Variants in NIPBL observed in about 807,000 individuals in gnomAD.
NIPBL encodes NIPBL cohesin loading factor.
In NIPBL, 19 loss-of-function variants were observed where a neutral mutation model predicts 321.8. That is an observed-to-expected ratio of 0.06 (90% CI 0.04 to 0.09). The LOEUF is 0.09. NIPBL is among the 10% of genes least tolerant of loss of function. The probability of loss-of-function intolerance (pLI) is 1.00; values close to 1 mark genes in which losing one functional copy is unlikely to be tolerated. For missense variants in NIPBL, 2,210 were observed against 3,327.0 expected (o/e 0.66, Z 8.26); for synonymous variants, 1,106 against 1,114.1 (o/e 0.99, Z 0.14).
At chr5:37,013,608 T>C (rs1325245115) in intron 21 of NIPBL, among the ~76,000 whole-genome samples, 3 of 143,058 alleles carry the variant, frequency 2.1e-5, no homozygotes, top group Non-Finnish European at 3.0e-5. Flanking sequence ...TCTCAGACGA[T>C]GGGTGGCCGG....
At chr5:36,883,833 T>G (rs1042506956) in intron 1 of NIPBL, among the ~76,000 whole-genome samples, 1 of 151,646 alleles carries the variant, frequency 6.6e-6, no homozygotes, top group Non-Finnish European at 1.5e-5. Flanking sequence ...TTTTTTTTGG[T>G]AATGACCAAG....
chr5:37,002,513 A>AGGGTTTACTTGAG, intron 14 of NIPBL, 149 bp from the exon 15 acceptor site: 2 of 639,738 alleles, frequency 3.1e-6, no homozygotes, highest in East Asian at 5.6e-5. Context: ...TTTTTCATTC[A>AGGGTTTACTTGAG]GGGTTTACTT....
intron 5 of NIPBL, 93 bp from the exon 6 acceptor site, chr5:36,962,030 A>T: frequency 4.4e-6 from 6 of 1,370,282 alleles, no homozygotes; most frequent in Non-Finnish European, 5.2e-6. Flanking sequence ...TATATAAACT[A>T]AGAGATCAGA....
intron 24 of NIPBL, among the ~76,000 whole-genome samples, chr5:37,017,929 G>C (rs1167030193): frequency 1.3e-5 from 2 of 152,036 alleles, no homozygotes; most frequent in African/African-American, 4.8e-5. Context: ...AGATGTATGT[G>C]TGTCTGTATA....
At chr5:36,999,902 A>C (rs1746590792) in intron 11 of NIPBL, among the ~76,000 whole-genome samples, 1 of 152,196 alleles carries the variant, frequency 6.6e-6, no homozygotes, top group South Asian at 2.1e-4. Context: ...GATGATGTAC[A>C]TGGTTACCCA....
In NIPBL at chr5:36,884,861, T is replaced by C. The variant is rs748124136; in HGVS notation, c.-80+7683T>C. On this transcript the variant is annotated intron_variant, in intron 1 of 46. Coordinates refer to ENST00000282516, the MANE Select transcript of NIPBL (RefSeq NM_133433.4). ...GGGGTAGGAATATTTTATTTACATA[T>C]ATCCCTAACAATACATACATAACTT... Among the ~76,000 whole-genome samples the C allele has an allele frequency of 1.5e-3, 224 of 152,312 alleles. 1 individual carries two copies. Among genetic ancestry groups the C allele is most frequent in the Non-Finnish European group, 1.8e-3 (121 of 68,020 alleles).
intron 10 of NIPBL, among the ~76,000 whole-genome samples, chr5:36,989,519 C>T (rs1745229494): frequency 6.6e-6 from 1 of 151,966 alleles, no homozygotes; most frequent in South Asian, 2.1e-4. Context: ...AGACTATTAC[C>T]CTAATGTATA....
At chr5:37,061,384 A>T (rs1034418552) in intron 45 of NIPBL, among the ~76,000 whole-genome samples, 1 of 152,188 alleles carries the variant, frequency 6.6e-6, no homozygotes, top group Admixed American at 6.5e-5. Flanking sequence ...CTGATAAAAA[A>T]ATGGCGTAGT....
chr5:36,953,489 G>A (rs1204273712), intron 1 of NIPBL, 129 bp from the exon 2 acceptor site: 6 of 596,860 alleles, frequency 1.0e-5, no homozygotes, highest in Non-Finnish European at 1.8e-5. Flanking sequence ...TAAGTGGTAT[G>A]TGAAAATGAT....
At chr5:36,885,069 ATT>A (rs58959442) in intron 1 of NIPBL, 3 of 216,240 alleles carry the variant, frequency 1.4e-5, no homozygotes, top group Admixed American at 5.5e-5. Flanking sequence ...TGCAGTTTTA[ATT>A]TTTTTTTTGC....
At chr5:36,949,482 T>G (rs543566454) in intron 1 of NIPBL, among the ~76,000 whole-genome samples, 6 of 151,860 alleles carry the variant, frequency 4.0e-5, no homozygotes, top group Non-Finnish European at 8.8e-5. Flanking sequence ...TATTAGCACC[T>G]CAGGTTCATA....
At chr5:37,047,649 A>G (rs914517406) in intron 38 of NIPBL, among the ~76,000 whole-genome samples, 2 of 152,248 alleles carry the variant, frequency 1.3e-5, no homozygotes, top group Non-Finnish European at 2.9e-5. Flanking sequence ...TTTTAACTTA[A>G]GCAGCGCTAT....
At chr5:36,946,237 AGCAT>A (rs1739657047) in intron 1 of NIPBL, among the ~76,000 whole-genome samples, 1 of 151,876 alleles carries the variant, frequency 6.6e-6, no homozygotes, top group Admixed American at 6.6e-5. Flanking sequence ...CTTAGTTCTT[AGCAT>A]AGTATGTTAA....
intron 3 of NIPBL, among the ~76,000 whole-genome samples, chr5:36,957,593 T>C (rs1741108371): frequency 6.6e-6 from 1 of 152,172 alleles, no homozygotes; most frequent in Non-Finnish European, 1.5e-5. Flanking sequence ...CTCTTGACTG[T>C]GTAAAGTAAA....
At chr5:36,989,133 T>C (rs1745176258) in intron 10 of NIPBL, among the ~76,000 whole-genome samples, 1 of 152,204 alleles carries the variant, frequency 6.6e-6, no homozygotes, top group Admixed American at 6.5e-5. Context: ...TTCCCATCAA[T>C]ACACCCTAGC....
Position 37,036,361 on chromosome 5 carries a change from ATATATATG to A in NIPBL, c.5863-10_5863-3del. 1 of 547,720 alleles carries A rather than the reference ATATATATG, an allele frequency of 1.8e-6. No homozygotes were observed. The highest frequency in any genetic ancestry group is 2.7e-6 in the Non-Finnish European group (1 of 368,378). The allele number at this position is 547,720 out of a possible 1,614,324, so 33.9% of individuals were successfully genotyped here. A position where few individuals can be genotyped will look rare whatever the true frequency, so the allele number is the denominator to read the frequency against. On this transcript the variant is annotated splice_polypyrimidine_tract_variant and intron_variant, in intron 32 of 46. Transcript: ENST00000282516. Reference sequence around the variant, plus strand: ...TATATATATATGTATATATATATATATATATATGTATATATAGTTGTTGAAGTCCGAAG... The same window carrying A: ...TATATATATATGTATATATATATATATATATATAGTTGTTGAAGTCCGAAG...
intron 4 of NIPBL, 30 bp from the exon 5 acceptor site, chr5:36,961,454 T>C (rs1249231216): frequency 1.6e-6 from 2 of 1,260,716 alleles, no homozygotes; most frequent in Non-Finnish European, 2.3e-6. Flanking sequence ...TAGAAGAAAA[T>C]AACGTTCTGT....
chr5:37,000,982 CTT>C lies in NIPBL; in HGVS notation c.3575-6_3575-5del. ...GAGAATAATGAATATATTTTTCTCT[CTT>C]GCAGAAATGATGGACTCTTCAACTT... On this transcript the variant is annotated splice_polypyrimidine_tract_variant and splice_region_variant and intron_variant, in intron 13 of 46. Coordinates refer to ENST00000282516, the MANE Select transcript of NIPBL (RefSeq NM_133433.4). 6.2e-7 allele frequency: 1 copy of C among 1,607,200 alleles called. No homozygotes were observed. Among genetic ancestry groups the C allele is most frequent in the Non-Finnish European group, 8.5e-7 (1 of 1,174,138 alleles).
rs556500982 is a variant in NIPBL, at chr5:36,886,509, C to T, written c.-80+9331C>T. On this transcript the variant is annotated intron_variant, in intron 1 of 46. Coordinates refer to ENST00000282516, the MANE Select transcript of NIPBL (RefSeq NM_133433.4). Reference sequence around the variant, plus strand: ...TTCTGAGACATTAAGTCAGCAGAAGCAGGGTACCCTTTGGGGAGCAGGAGG... The same window carrying T: ...TTCTGAGACATTAAGTCAGCAGAAGTAGGGTACCCTTTGGGGAGCAGGAGG... 6 of 745,062 alleles carry T rather than the reference C, an allele frequency of 8.1e-6. No homozygotes were observed. The South Asian group carries it at 8.4e-5, about 10-fold the overall frequency. The allele number at this position is 745,062 out of a possible 1,614,324, so 46.2% of individuals were successfully genotyped here. A position where few individuals can be genotyped will look rare whatever the true frequency, so the allele number is the denominator to read the frequency against.
Sources: allele counts gnomAD v4.1 joint callset (sites outside exome capture counted in the v4.1 genomes callset), GRCh38; gene constraint gnomAD v4.1.1; transcripts MANE v1.5; gene names NCBI Gene and HGNC (gene_info 2026-07-23, HGNC 2026-07-21).